SASH1: variants seen among roughly 807,000 people sequenced by gnomAD.
SASH1 encodes SAM and SH3 domain containing 1, also known as SAM and SH3 domain-containing protein 1.
SASH1 carries 44 observed loss-of-function variants against 125.2 expected under a neutral mutation model. The ratio of observed to expected loss-of-function variants is 0.35; its 90% CI spans 0.28 to 0.45. The LOEUF is 0.45. Among genes scored for constraint, SASH1 ranks in the 20% least tolerant of loss-of-function variants. The pLI, the probability that SASH1 is intolerant of heterozygous loss-of-function variation, is 1.00. For synonymous variants in SASH1, 639 were observed against 649.1 expected, an observed-to-expected ratio of 0.98 and a Z score of 0.24; for missense variants, 1,426 against 1,614.5, an observed-to-expected ratio of 0.88 and a Z score of 2.00.
chr6:148,340,785 AT>A (rs1562334004), upstream of SASH1, among the ~76,000 whole-genome samples: 1 of 152,152 alleles, frequency 6.6e-6, no homozygotes, highest in Non-Finnish European at 1.5e-5. Flanking sequence ...CTTCAACACA[AT>A]GCCTCAATGC....
chr6:148,238,347 C>T, the SASH1 span, among the ~76,000 whole-genome samples: 2 of 152,156 alleles, frequency 1.3e-5, no homozygotes, highest in African/African-American at 4.8e-5. Flanking sequence ...CCTCAGTCTC[C>T]CAAGTAGCTG....
At chr6:148,262,101 TAC>T in the SASH1 span, among the ~76,000 whole-genome samples, 23 of 149,396 alleles carry the variant, frequency 1.5e-4, no homozygotes, top group Middle Eastern at 3.5e-3. Flanking sequence ...ACTGCACACA[TAC>T]ACACACACAC....
rs918763883 is a variant in SASH1, at chr6:148,529,151, A to C, written c.1428+1555A>C. Among the ~76,000 whole-genome samples, 2 of 152,104 alleles carry C rather than the reference A, an allele frequency of 1.3e-5. No homozygotes were observed. The highest frequency in any genetic ancestry group is 1.9e-4 in the East Asian group (1 of 5,190). On this transcript the variant is annotated intron_variant, in intron 12 of 19. Coordinates refer to ENST00000367467, the MANE Select transcript of SASH1 (RefSeq NM_015278.5). The surrounding 1 kb of genome is among the most constrained non-coding windows in gnomAD (Gnocchi z 4.2). ...AGCTTGGCCTGCTCACCCGCCACTC[A>C]CCTCCTGCTGTACGGCCCACTTCTT...
At chr6:148,369,966 C>CAAAAAAAAAA (rs562924566) in intron 1 of SASH1, among the ~76,000 whole-genome samples, 227 of 93,540 alleles carry the variant, frequency 2.4e-3, no homozygotes, top group Non-Finnish European at 2.8e-3. Flanking sequence ...AAAAGAAAAA[C>CAAAAAAAAAA]AAAAAAAAAA....
intron 1 of SASH1, among the ~76,000 whole-genome samples, chr6:148,327,946 A>G (rs1382967862): frequency 6.6e-6 from 1 of 151,676 alleles, no homozygotes; most frequent in African/African-American, 2.4e-5. Flanking sequence ...GTCTAAAAAA[A>G]AAAAAAAAAA....
At chr6:148,382,271 T>G (rs913797496) in intron 1 of SASH1, among the ~76,000 whole-genome samples, 1 of 152,160 alleles carries the variant, frequency 6.6e-6, no homozygotes, top group African/African-American at 2.4e-5. Context: ...CTCCGCCTTC[T>G]GTGTCCTCGG....
At chr6:148,468,378 T>A (rs1777944320) in intron 4 of SASH1, among the ~76,000 whole-genome samples, 167 bp from the exon 5 acceptor site, 1 of 152,238 alleles carries the variant, frequency 6.6e-6, no homozygotes, top group South Asian at 2.1e-4. Context: ...CGAGTCTATT[T>A]CTAGGAAGTC....
rs1782380762 is a variant in SASH1 at position 148,543,939 on chromosome 6, G to T, written c.2469G>T (p.Glu823Asp). The T allele has an allele frequency of 3.1e-6, 5 of 1,614,180 alleles. No individual in the cohort carries two copies. Among genetic ancestry groups the T allele is most frequent in the Non-Finnish European group, 4.2e-6 (5 of 1,180,042 alleles). ...SLPVSICRSC[E>D]TLEGPQTVDT... ...CAGTTTCCATCTGCCGGAGCTGTGAGACCCTGGAGGGCCCCCAGACTGTGG... is the reference window on the plus strand; with the variant it reads ...CAGTTTCCATCTGCCGGAGCTGTGATACCCTGGAGGGCCCCCAGACTGTGG... The change falls in exon 18 of 20, where the codon GAG (glutamate) becomes GAT (aspartate). Residue 823 changes from glutamate to aspartate, a missense_variant. This residue lies in a region of SASH1 where 634 missense variants were observed against 694.4 expected (regional missense o/e 0.91). Coordinates refer to ENST00000367467, the MANE Select transcript of SASH1 (RefSeq NM_015278.5).
At chr6:148,430,003 T>A (rs1204925844) in intron 2 of SASH1, among the ~76,000 whole-genome samples, 1 of 152,182 alleles carries the variant, frequency 6.6e-6, no homozygotes, top group Non-Finnish European at 1.5e-5. Flanking sequence ...TACCCATAGG[T>A]ACATTTAATG....
intron 1 of SASH1, among the ~76,000 whole-genome samples, chr6:148,302,849 C>T (rs951450114): frequency 2.2e-4 from 32 of 148,372 alleles, no homozygotes; most frequent in African/African-American, 7.6e-4. Context: ...TATATACACA[C>T]ACACACACAG....
chr6:148,255,861 C>T, the SASH1 span, among the ~76,000 whole-genome samples: 17 of 152,190 alleles, frequency 1.1e-4, no homozygotes, highest in East Asian at 2.7e-3. Flanking sequence ...AGGCTAATCT[C>T]GAACTCCTGG....
At chr6:148,254,493 TAAAAA>T in the SASH1 span, among the ~76,000 whole-genome samples, 1 of 151,984 alleles carries the variant, frequency 6.6e-6, no homozygotes, top group Non-Finnish European at 1.5e-5. Flanking sequence ...ACTCTATCAT[TAAAAA>T]CAAAACAAAA....
At chr6:148,217,726 C>G in the SASH1 span, among the ~76,000 whole-genome samples, 1 of 151,900 alleles carries the variant, frequency 6.6e-6, no homozygotes. Context: ...ACACCCAGGC[C>G]AGACTCACTG....
chr6:148,409,958 A>G (rs1368725095), intron 2 of SASH1, among the ~76,000 whole-genome samples: 1 of 151,814 alleles, frequency 6.6e-6, no homozygotes, highest in East Asian at 1.9e-4. Flanking sequence ...AACAACAAAA[A>G]AGGAGAATAA....
intron 1 of SASH1, among the ~76,000 whole-genome samples, chr6:148,370,316 T>A (rs1257331063): frequency 1.3e-5 from 2 of 152,190 alleles, no homozygotes; most frequent in Non-Finnish European, 2.9e-5. Flanking sequence ...TTGGCAAGAT[T>A]TGGAATCAGG....
chr6:148,498,226 C>A (rs12197470), intron 8 of SASH1, among the ~76,000 whole-genome samples: 34,374 of 98,842 alleles, frequency 0.35, 4,650 homozygotes, highest in Middle Eastern at 0.4. Context: ...TCTACAAAAA[C>A]AAACAAACAA....
chr6:148,464,474 A>G (rs1487824992), intron 4 of SASH1, among the ~76,000 whole-genome samples: 1 of 152,156 alleles, frequency 6.6e-6, no homozygotes, highest in African/African-American at 2.4e-5. Flanking sequence ...AGCGCCCACC[A>G]TCCTCAGGCC....
intron 1 of SASH1, among the ~76,000 whole-genome samples, chr6:148,362,123 T>C (rs553769342): frequency 5.9e-5 from 9 of 151,930 alleles, no homozygotes; most frequent in South Asian, 4.2e-4. Context: ...GAGACGGGGT[T>C]TCTCCGTGTT....
chr6:148,287,855 A>G (rs1015283915), intron 1 of SASH1, among the ~76,000 whole-genome samples: 1 of 152,130 alleles, frequency 6.6e-6, no homozygotes, highest in Non-Finnish European at 1.5e-5. Flanking sequence ...CTCCCAAGCC[A>G]TTTGTGTTTC....
Sources: gnomAD v4.1 joint callset for allele counts (sites outside exome capture counted in the v4.1 genomes callset) on GRCh38, gnomAD v4.1.1 for gene constraint, gnomAD v4.1.1 regional missense constraint, Gnocchi (gnomAD v3.1) non-coding constraint, MANE v1.5 for transcripts, NCBI Gene and HGNC (gene_info 2026-07-23, HGNC 2026-07-21) for gene names.